SLC6A3: variants seen among roughly 807,000 people sequenced by gnomAD.
The protein encoded by SLC6A3 is solute carrier family 6 member 3.
In SLC6A3, 19 loss-of-function variants were observed where a neutral mutation model predicts 70.4. The observed-to-expected ratio is 0.27, with a 90% CI of 0.19 to 0.40. The LOEUF is 0.40. Ranked by LOEUF, SLC6A3 falls within the 10% of genes least tolerant of loss-of-function variation. The pLI is 1.00. For synonymous variants in SLC6A3, 368 were observed against 356.6 expected (o/e 1.03, Z -0.36); for missense variants, 613 against 838.5 (o/e 0.73, Z 3.32).
At chr5:1,416,060 A>G (rs1258178040) in intron 7 of SLC6A3, 38 bp downstream of exon 7, 1 of 1,468,946 alleles carries the variant, frequency 6.8e-7, no homozygotes, top group East Asian at 2.3e-5. Flanking sequence ...TCTCCCTAGT[A>G]TTGATGAGGC....
chr5:1,427,713 T>C (rs1206541747), intron 4 of SLC6A3, among the ~76,000 whole-genome samples: 1 of 152,234 alleles, frequency 6.6e-6, no homozygotes, highest in East Asian at 1.9e-4. Context: ...GTGGCCATAT[T>C]ACTATCAGAC....
chr5:1,429,552 G>A (rs987288316), intron 4 of SLC6A3, among the ~76,000 whole-genome samples: 52 of 152,120 alleles, frequency 3.4e-4, no homozygotes, highest in African/African-American at 1.2e-3. Flanking sequence ...CGAATCACTG[G>A]ACTAATCACT....
chr5:1,432,623 T>C lies in SLC6A3; in HGVS notation c.494A>G (p.His165Arg). The C allele has an allele frequency of 6.2e-7, 1 of 1,614,088 alleles. No individual in the cohort carries two copies. Among genetic ancestry groups the C allele is most frequent in the Non-Finnish European group, 8.5e-7 (1 of 1,179,994 alleles). Reference sequence around the variant, plus strand: ...CGTGGTGAAGGAGGAGAAGAGATAGTGCAGCGCCCAGGCGATGATGACGTT... The same window carrying C: ...CGTGGTGAAGGAGGAGAAGAGATAGCGCAGCGCCCAGGCGATGATGACGTT... Reference protein sequence around the residue: ...FYNVIIAWALHYLFSSFTTEL... With the variant: ...FYNVIIAWALRYLFSSFTTEL... Residue 165 changes from histidine (H) to arginine (R), a missense_variant, in exon 4 of 15, where the codon CAC becomes CGC. Physicochemically the swap from His to Arg is conservative, Grantham distance 29 (BLOSUM62 0). Transcript: ENST00000270349.
intron 14 of SLC6A3, among the ~76,000 whole-genome samples, chr5:1,398,082 C>T (rs750010986): frequency 1.3e-5 from 2 of 152,006 alleles, no homozygotes; most frequent in South Asian, 2.1e-4. Context: ...AGAATAAGTC[C>T]GGGCACAGTG....
chr5:1,435,014 T>G lies in SLC6A3; in HGVS notation c.419-2316A>C, dbSNP rs114518203. Among the ~76,000 whole-genome samples, 627 of 152,336 alleles carry G rather than the reference T, an allele frequency of 4.1e-3. 9 individuals carry two copies. The highest frequency in any genetic ancestry group is 0.014 in the African/African-American group (591 of 41,562). ...TCTCCTATGTGGATCTGGTCCATAT[T>G]AAATAATTCTGTATTGCAGTCTGTC... On this transcript the variant is annotated intron_variant, in intron 3 of 14. Coordinates refer to ENST00000270349, the MANE Select transcript of SLC6A3 (RefSeq NM_001044.5).
chr5:1,403,147 C>G, intron 12 of SLC6A3, 58 bp from the exon 13 acceptor site: 1 of 1,583,200 alleles, frequency 6.3e-7, no homozygotes, highest in African/African-American at 1.3e-5. Flanking sequence ...CAGGACAAAG[C>G]AGGGAGCGGG....
intron 3 of SLC6A3, among the ~76,000 whole-genome samples, chr5:1,440,057 A>G (rs1756937740): frequency 6.6e-6 from 1 of 152,218 alleles, no homozygotes; most frequent in African/African-American, 2.4e-5. Context: ...AGGTGTGTCC[A>G]TTTCATGGTG....
intron 3 of SLC6A3, among the ~76,000 whole-genome samples, chr5:1,440,502 AATAG>A (rs904572363): frequency 1.3e-5 from 2 of 148,908 alleles, no homozygotes; most frequent in African/African-American, 2.6e-5. Context: ...ATTGACAGAT[AATAG>A]ATAGATAGAA....
intron 11 of SLC6A3, among the ~76,000 whole-genome samples, chr5:1,407,550 C>T (rs1756013856): frequency 6.6e-6 from 1 of 152,206 alleles, no homozygotes; most frequent in Non-Finnish European, 1.5e-5. Flanking sequence ...GGTTTTGTTT[C>T]ATTTAGATGA....
intron 8 of SLC6A3, 94 bp downstream of exon 8, chr5:1,414,597 C>G (rs1005274515): frequency 3.7e-5 from 54 of 1,452,574 alleles, no homozygotes; most frequent in Non-Finnish European, 4.7e-5. Flanking sequence ...AGGGCCCATG[C>G]GTCTCCTTCC....
intron 4 of SLC6A3, among the ~76,000 whole-genome samples, chr5:1,429,115 C>T (rs1756638698): frequency 6.6e-6 from 1 of 152,212 alleles, no homozygotes; most frequent in Admixed American, 6.5e-5. Context: ...AACCCGACAT[C>T]CTTTGTCCAG....
rs1439508702 is a variant in SLC6A3 at position 1,402,935 on chromosome 5, C to G, written c.1754G>C (p.Gly585Ala). 1 of 1,613,688 alleles carries G rather than the reference C, an allele frequency of 6.2e-7. No individual in the cohort carries two copies. Among genetic ancestry groups the G allele is most frequent in the Non-Finnish European group, 8.5e-7 (1 of 1,180,014 alleles). The change falls in exon 13 of 15, where the codon GGG becomes GCG. Residue 585 changes from glycine to alanine, a missense_variant. Gly to Ala is a moderately conservative substitution (Grantham distance 60). Around this residue, in one of 4 missense-constraint regions of SLC6A3, gnomAD observed 348 missense variants for 481.2 expected, o/e 0.72. Transcript: ENST00000270349. The surrounding 1 kb of genome is among the most constrained non-coding windows in gnomAD (Gnocchi z 8.5). Reference protein sequence around the residue: ...YAAYKFCSLPGSFREKLAYAI... With the variant: ...YAAYKFCSLPASFREKLAYAI... ...CCAAATACCCACCTCTCGAAAGGAC[C>G]CAGGCAGGCTGCAGAACTTGTAGGC...
At chr5:1,399,967 A>G (rs1210559999) in intron 14 of SLC6A3, among the ~76,000 whole-genome samples, 6 of 152,076 alleles carry the variant, frequency 3.9e-5, no homozygotes, top group Non-Finnish European at 8.8e-5. Context: ...CTCCTCAGGC[A>G]TGAGCTCATG....
Position 1,432,500 on chromosome 5 carries a change from T to G in SLC6A3, c.617A>C (p.Asp206Ala). 6.2e-7 allele frequency: 1 copy of G among 1,614,102 alleles called. No homozygotes were observed. The highest frequency in any genetic ancestry group is 8.5e-7 in the Non-Finnish European group (1 of 1,180,010). Reference protein sequence around the residue: ...DSSGDSSGLNDTFGTTPAAEY... With the variant: ...DSSGDSSGLNATFGTTPAAEY... Reference sequence around the variant, plus strand: ...GGCAGCAGGTGTGGTCCCAAAAGTGTCGTTGAGGCCCGAGCTGTCTCCACT... The same window carrying G: ...GGCAGCAGGTGTGGTCCCAAAAGTGGCGTTGAGGCCCGAGCTGTCTCCACT... The change falls in exon 4 of 15, where the codon GAC becomes GCC. Residue 206 changes from aspartate to alanine, a missense_variant. Physicochemically the swap from Asp to Ala is moderately radical, Grantham distance 126. Transcript: ENST00000270349.
At position 1,441,381 on chromosome 5, in the gene SLC6A3, C is replaced by T. The variant is rs1733660358; in HGVS notation, c.396G>A (p.Trp132Ter). The stretch of plus-strand genomic sequence containing the variant: ...TACCTTTCAGTATGGGGCAGATCTT[C>T]CAGACACCAGCGGCCCCTTCCCTGT... ...QFNREGAAGV[W>*]KICPILKGVG... Residue 132 changes from tryptophan (W) to a stop codon, truncating the protein, a stop_gained, in exon 3 of 15, where the codon TGG becomes TGA. Transcript: ENST00000270349. LOFTEE classifies it high-confidence loss of function. 1 of 1,614,134 alleles carries T rather than the reference C, an allele frequency of 6.2e-7. No homozygotes were observed. Among genetic ancestry groups the T allele is most frequent in the Non-Finnish European group, 8.5e-7 (1 of 1,180,052 alleles).
rs1490511727 is a variant in SLC6A3 at position 1,421,090 on chromosome 5, C to A, written c.793-387G>T. On this transcript the variant is annotated intron_variant, in intron 5 of 14. Coordinates refer to ENST00000270349, the MANE Select transcript of SLC6A3 (RefSeq NM_001044.5). The surrounding 1 kb of genome is among the most constrained non-coding windows in gnomAD (Gnocchi z 7.2). Reference sequence around the variant, plus strand: ...CTGGGCTGTGTCCCTGCGGGAGGCTCCCGTGGCTGGTGCCATACTACACGC... The same window carrying A: ...CTGGGCTGTGTCCCTGCGGGAGGCTACCGTGGCTGGTGCCATACTACACGC... Among the ~76,000 whole-genome samples, 1 of 152,126 alleles carries A rather than the reference C, an allele frequency of 6.6e-6. No homozygotes were observed. Among genetic ancestry groups the A allele is most frequent in the Non-Finnish European group, 1.5e-5 (1 of 68,032 alleles).
intron 3 of SLC6A3, among the ~76,000 whole-genome samples, chr5:1,440,427 A>G (rs1756947759): frequency 6.6e-6 from 1 of 152,194 alleles, no homozygotes; most frequent in Non-Finnish European, 1.5e-5. Context: ...GAATGGATTG[A>G]TAGGTGGATG....
At chr5:1,416,574 C>G in intron 6 of SLC6A3, 1 of 283,492 alleles carries the variant, frequency 3.5e-6, no homozygotes. Flanking sequence ...AGCACGGCCT[C>G]ATCTACACAA....
intron 3 of SLC6A3, among the ~76,000 whole-genome samples, chr5:1,439,846 G>A (rs1756931296): frequency 6.6e-6 from 1 of 152,236 alleles, no homozygotes; most frequent in Non-Finnish European, 1.5e-5. Context: ...TGCAGGGATT[G>A]GGGAGTCAGA....
Sources: gnomAD v4.1 joint callset for allele counts (sites outside exome capture counted in the v4.1 genomes callset) on GRCh38, gnomAD v4.1.1 for gene constraint, gnomAD v4.1.1 regional missense constraint, Gnocchi (gnomAD v3.1) non-coding constraint, MANE v1.5 for transcripts, NCBI Gene and HGNC (gene_info 2026-07-23, HGNC 2026-07-21) for gene names.